The following FGD5 variants were observed in gnomAD, a reference collection of about 807,000 sequenced individuals.
FGD5 encodes FYVE, RhoGEF and PH domain-containing protein 5.
A neutral mutation model predicts 133.4 loss-of-function variants in FGD5; 28 were observed. That is an observed-to-expected ratio of 0.21 (90% CI 0.16 to 0.29). FGD5 has a LOEUF of 0.29. Among genes scored for constraint, FGD5 ranks in the 10% least tolerant of loss-of-function variants. The pLI is 1.00. For missense variants in FGD5, 1,858 were observed against 1,895.2 expected (o/e 0.98, Z 0.36); for synonymous variants, 810 against 776.5 (o/e 1.04, Z -0.72).
Position 14,819,801 on chromosome 3 carries a change from C to G in FGD5, c.730C>G (p.Gln244Glu). 1 of 1,581,834 alleles carries G rather than the reference C, an allele frequency of 6.3e-7. No individual in the cohort carries two copies. The highest frequency in any genetic ancestry group is 8.6e-7 in the Non-Finnish European group (1 of 1,164,066). The change falls in exon 1 of 20, where the codon CAG (glutamine) becomes GAG (glutamate). Residue 244 changes from glutamine to glutamate, a missense_variant. Coordinates refer to ENST00000285046, the MANE Select transcript of FGD5 (RefSeq NM_152536.4). This position sits in a 1 kb window ranked among gnomAD's most constrained non-coding sequence, Gnocchi z 4.1. ...GPDRPTEDMGQDAEDTSEEPP... is the reference protein window; with the variant it reads ...GPDRPTEDMGEDAEDTSEEPP... Reference sequence around the variant, plus strand: ...TGACAGGCCCACGGAGGACATGGGACAGGATGCTGAGGACACCAGTGAGGA... The same window carrying G: ...TGACAGGCCCACGGAGGACATGGGAGAGGATGCTGAGGACACCAGTGAGGA...
intron 1 of FGD5, among the ~76,000 whole-genome samples, chr3:14,851,448 C>G (rs2037161508): frequency 6.6e-6 from 1 of 152,204 alleles, no homozygotes; most frequent in Non-Finnish European, 1.5e-5. Flanking sequence ...TCCTTTACTG[C>G]AGTCCCAGAG....
intron 4 of FGD5, among the ~76,000 whole-genome samples, chr3:14,887,954 C>T (rs2037955144): frequency 6.6e-6 from 1 of 151,776 alleles, no homozygotes; most frequent in Non-Finnish European, 1.5e-5. Context: ...TTGTTTAAGG[C>T]CAGGAGTTTG....
intron 2 of FGD5, among the ~76,000 whole-genome samples, chr3:14,873,107 G>A (rs766216156): frequency 6.6e-6 from 1 of 152,162 alleles, no homozygotes; most frequent in Non-Finnish European, 1.5e-5. Context: ...TTTAACATTA[G>A]TGCTGGTCAG....
intron 1 of FGD5, among the ~76,000 whole-genome samples, chr3:14,823,632 G>A (rs2036546720): frequency 6.6e-6 from 1 of 152,218 alleles, no homozygotes; most frequent in South Asian, 2.1e-4. Context: ...GTAAGTTACT[G>A]GAGAAATCAG....
chr3:14,919,347 G>A lies in FGD5; in HGVS notation c.3569+514G>A, dbSNP rs191741867. On this transcript the variant is annotated intron_variant, in intron 13 of 19. Coordinates refer to ENST00000285046, the MANE Select transcript of FGD5 (RefSeq NM_152536.4). ...ATAACAAAAATACCAGGCCGGGCGC[G>A]GTGGCTCACGCCTGTAATCCCAGCC... is the stretch of plus-strand genomic sequence containing the variant. Among the ~76,000 whole-genome samples the A allele has an allele frequency of 2.6e-3, 402 of 152,330 alleles. 2 individuals are homozygous for A. Among genetic ancestry groups the A allele is most frequent in the Admixed American group, 7.7e-3 (118 of 15,308 alleles).
At position 14,901,006 on chromosome 3, in the gene FGD5, C is replaced by T; in HGVS notation, c.3209C>T (p.Ala1070Val). ...CCTGCTCTGTGTCCCTCCCCAGGTG[C>T]ACTGAGCCTCATCTCCAAAGTCACA... is the stretch of plus-strand genomic sequence containing the variant. ...DSAEYDNTQG[A>V]LSLISKVTDR... Residue 1070 changes from alanine (A) to valine (V), a missense_variant, in exon 9 of 20, where the codon GCA becomes GTA. By Grantham distance (64) the Ala-to-Val change is moderately conservative. Coordinates refer to ENST00000285046, the MANE Select transcript of FGD5 (RefSeq NM_152536.4). The T allele has an allele frequency of 6.2e-7, 1 of 1,614,024 alleles. No individual in the cohort carries two copies. Among genetic ancestry groups the T allele is most frequent in the Non-Finnish European group, 8.5e-7 (1 of 1,179,870 alleles).
At chr3:14,847,549 C>A (rs913302367) in intron 1 of FGD5, among the ~76,000 whole-genome samples, 1 of 152,192 alleles carries the variant, frequency 6.6e-6, no homozygotes, top group Non-Finnish European at 1.5e-5. Flanking sequence ...AGCAACATAG[C>A]TGCAGTATGT....
intron 4 of FGD5, among the ~76,000 whole-genome samples, chr3:14,894,595 A>G (rs1245872601): frequency 6.7e-6 from 1 of 148,866 alleles, no homozygotes; most frequent in African/African-American, 2.5e-5. Flanking sequence ...GGCTCACTGC[A>G]GGATTGACCT....
At chr3:14,854,118 A>G in intron 1 of FGD5, among the ~76,000 whole-genome samples, 1 of 151,834 alleles carries the variant, frequency 6.6e-6, no homozygotes, top group Non-Finnish European at 1.5e-5. Context: ...ACCACCTTAT[A>G]GGTAAGAAAC....
At chr3:14,850,775 G>A (rs917960574) in intron 1 of FGD5, among the ~76,000 whole-genome samples, 1 of 150,172 alleles carries the variant, frequency 6.7e-6, no homozygotes, top group Non-Finnish European at 1.5e-5. Context: ...TATTTGGGTT[G>A]GACCTTGGTT....
chr3:14,857,940 A>T (rs2125099908), intron 1 of FGD5, among the ~76,000 whole-genome samples: 1 of 152,274 alleles, frequency 6.6e-6, no homozygotes, highest in African/African-American at 2.4e-5. Context: ...TGGAAAAAAA[A>T]AAAAGCTGAG....
At chr3:14,896,791 T>G (rs1281234359) in intron 4 of FGD5, among the ~76,000 whole-genome samples, 2 of 152,176 alleles carry the variant, frequency 1.3e-5, no homozygotes, top group Admixed American at 6.5e-5. Context: ...ATTTTTATAT[T>G]TATTAAATTG....
chr3:14,916,633 A>G (rs1175873451), intron 11 of FGD5, among the ~76,000 whole-genome samples: 1 of 152,204 alleles, frequency 6.6e-6, no homozygotes, highest in Non-Finnish European at 1.5e-5. Flanking sequence ...ATCACAGTGT[A>G]ACCACCACCT....
intron 1 of FGD5, among the ~76,000 whole-genome samples, chr3:14,832,655 G>A (rs768154809): frequency 2.0e-5 from 3 of 152,174 alleles, no homozygotes; most frequent in Non-Finnish European, 4.4e-5. Context: ...AATGATGGAG[G>A]TAGGACCAGA....
intron 10 of FGD5, among the ~76,000 whole-genome samples, chr3:14,908,740 G>A (rs1199893944): frequency 6.6e-6 from 1 of 151,128 alleles, no homozygotes; most frequent in Non-Finnish European, 1.5e-5. Context: ...CAAAAAATTA[G>A]CCAGATGTGG....
rs1211831312 is a variant in FGD5 at position 14,819,317 on chromosome 3, C to T, written c.246C>T (p.Gly82=). The T allele has an allele frequency of 6.5e-7, 1 of 1,537,150 alleles. No homozygotes were observed. The highest frequency in any genetic ancestry group is 8.8e-7 in the Non-Finnish European group (1 of 1,139,712). ...PLREDEPKDE[G]SVGNKALVSP... ...GGGAGGATGAACCCAAGGACGAGGGCAGTGTGGGGAACAAAGCCCTGGTGT... is the reference window on the plus strand; with the variant it reads ...GGGAGGATGAACCCAAGGACGAGGGTAGTGTGGGGAACAAAGCCCTGGTGT... Residue 82 remains glycine (G), a synonymous_variant, in exon 1 of 20, where the codon GGC becomes GGT. Coordinates refer to ENST00000285046, the MANE Select transcript of FGD5 (RefSeq NM_152536.4). This position sits in a 1 kb window ranked among gnomAD's most constrained non-coding sequence, Gnocchi z 4.1.
intron 4 of FGD5, 109 bp from the exon 5 acceptor site, chr3:14,897,400 C>A: frequency 7.6e-7 from 1 of 1,309,984 alleles, no homozygotes; most frequent in Non-Finnish European, 1.1e-6. Flanking sequence ...TAAGTCCTCA[C>A]TGCTGTCTTC....
chr3:14,900,417 C>T lies in FGD5; in HGVS notation c.3169C>T (p.Leu1057Phe), dbSNP rs1559498981. ...QVLLTDYLNN[L>F]CPDSAEYDNT... The stretch of plus-strand genomic sequence containing the variant: ...CCTGCCAACAGACTATTTAAACAAC[C>T]TTTGTCCGGACTCCGCCGAGTACGA... The change falls in exon 8 of 20, where the codon CTT becomes TTT. Residue 1057 changes from leucine (L) to phenylalanine (F), a missense_variant. Physicochemically the swap from Leu to Phe is conservative, Grantham distance 22. Around this residue, in one of 3 missense-constraint regions of FGD5, gnomAD observed 1,824 missense variants for 1,848.9 expected, o/e 0.99. Transcript: ENST00000285046. The T allele has an allele frequency of 6.2e-7, 1 of 1,613,564 alleles. No homozygotes were observed. Among genetic ancestry groups the T allele is most frequent in the Non-Finnish European group, 8.5e-7 (1 of 1,179,734 alleles).
intron 1 of FGD5, among the ~76,000 whole-genome samples, chr3:14,822,560 G>A (rs1427012202): frequency 6.6e-6 from 1 of 151,870 alleles, no homozygotes; most frequent in Non-Finnish European, 1.5e-5. Context: ...ACAGCAGTGG[G>A]GGTGTTCTGA....
Sources: gnomAD v4.1 joint callset for allele counts (sites outside exome capture counted in the v4.1 genomes callset) on GRCh38, gnomAD v4.1.1 for gene constraint, gnomAD v4.1.1 regional missense constraint, Gnocchi (gnomAD v3.1) non-coding constraint, MANE v1.5 for transcripts, NCBI Gene and HGNC (gene_info 2026-07-23, HGNC 2026-07-21) for gene names.